Variants in ARHGEF28 observed in about 807,000 individuals in gnomAD.
The protein encoded by ARHGEF28 is 190 kDa guanine nucleotide exchange factor.
A neutral mutation model predicts 206.6 loss-of-function variants in ARHGEF28; 152 were observed. That is an observed-to-expected ratio of 0.74 (90% CI 0.64 to 0.84). The LOEUF (loss-of-function observed/expected upper bound fraction) is 0.84, where lower values mean the gene tolerates loss of function less well. Ranked by LOEUF, ARHGEF28 falls within the 40% of genes least tolerant of loss-of-function variation. ARHGEF28 has a pLI of 0.00. For missense variants in ARHGEF28, 2,028 were observed against 2,073.2 expected, an observed-to-expected ratio of 0.98 and a Z score of 0.42; for synonymous variants, 763 against 776.4, an observed-to-expected ratio of 0.98 and a Z score of 0.29.
chr5:73,929,715 G>A (rs993340774), intron 35 of ARHGEF28, among the ~76,000 whole-genome samples: 3 of 152,054 alleles, frequency 2.0e-5, no homozygotes, highest in African/African-American at 7.2e-5. Context: ...TACAGATATT[G>A]CTAAAGGCCC....
intron 2 of ARHGEF28, among the ~76,000 whole-genome samples, chr5:73,741,208 G>T (rs1230162748): frequency 1.1e-4 from 16 of 151,662 alleles, no homozygotes; most frequent in Admixed American, 3.9e-4. Context: ...GAGGAATCTG[G>T]AGTCATTTGC....
intron 9 of ARHGEF28, among the ~76,000 whole-genome samples, chr5:73,797,597 C>T (rs983143665): frequency 2.6e-5 from 4 of 152,004 alleles, no homozygotes; most frequent in Admixed American, 6.6e-5. Flanking sequence ...GTCGGGGTTT[C>T]GCCTTCAAAC....
intron 2 of ARHGEF28, among the ~76,000 whole-genome samples, chr5:73,712,546 G>A (rs1050096447): frequency 1.3e-5 from 2 of 152,196 alleles, no homozygotes; most frequent in Non-Finnish European, 2.9e-5. Context: ...CGCTAAAGCT[G>A]TGCCAGCCTT....
In ARHGEF28 at chr5:73,734,338, G is replaced by A. The variant is rs1052956604; in HGVS notation, c.34-15499G>A. 2.0e-5 allele frequency among the ~76,000 whole-genome samples: 3 copies of A among 152,174 alleles called. No homozygotes were observed. The South Asian group carries it at 6.2e-4, about 31-fold the overall frequency. On this transcript the variant is annotated intron_variant, in intron 2 of 35. Coordinates refer to ENST00000513042, the MANE Select transcript of ARHGEF28 (RefSeq NM_001177693.2). The stretch of plus-strand genomic sequence containing the variant: ...ATGCCCAGAAGAGTGGGGCCTTCCA[G>A]GATAGCTGGGGTTGGGATGAGCAGA...
At chr5:73,770,693 G>A (rs957829175) in intron 4 of ARHGEF28, among the ~76,000 whole-genome samples, 11 of 152,102 alleles carry the variant, frequency 7.2e-5, no homozygotes, top group African/African-American at 2.4e-4. Flanking sequence ...TGTTTGCCTC[G>A]CTCTGCACTC....
chr5:73,718,847 A>G (rs1045714267), intron 2 of ARHGEF28, among the ~76,000 whole-genome samples: 1 of 152,132 alleles, frequency 6.6e-6, no homozygotes, highest in African/African-American at 2.4e-5. Flanking sequence ...GGTCCCATCC[A>G]CACCGCACTA....
chr5:73,663,192 A>T (rs1011279620), intron 1 of ARHGEF28, among the ~76,000 whole-genome samples: 10 of 152,262 alleles, frequency 6.6e-5, no homozygotes, highest in African/African-American at 2.4e-4. Flanking sequence ...CTGATCTCAG[A>T]TGATCCGCCC....
intron 21 of ARHGEF28, among the ~76,000 whole-genome samples, chr5:73,870,679 C>T (rs1470220006): frequency 2.0e-5 from 3 of 152,152 alleles, no homozygotes; most frequent in African/African-American, 7.2e-5. Flanking sequence ...GTGTGAGTAG[C>T]TGCACCTGGG....
chr5:73,704,156 A>C (rs1226664883), intron 2 of ARHGEF28, among the ~76,000 whole-genome samples: 3 of 152,160 alleles, frequency 2.0e-5, no homozygotes, highest in Non-Finnish European at 4.4e-5. Flanking sequence ...GCTTCTCCCC[A>C]GATAGACTAG....
chr5:73,829,719 T>C (rs1233112492), intron 9 of ARHGEF28, among the ~76,000 whole-genome samples: 3 of 152,094 alleles, frequency 2.0e-5, no homozygotes, highest in Non-Finnish European at 4.4e-5. Flanking sequence ...TGGCTTTCTA[T>C]GTACAGTGGG....
Position 73,937,457 on chromosome 5 carries a change from G to A in ARHGEF28, c.4949-3387G>A, listed in dbSNP as rs146327579. ...TTTGCTCTAAAGGTTAATAATGCTC[G>A]CTCTGTTTAGTTTCCAGAGATAATG... On this transcript the variant is annotated intron_variant, in intron 35 of 35. Transcript: ENST00000513042. 4.4e-3 allele frequency among the ~76,000 whole-genome samples: 666 copies of A among 152,256 alleles called. 5 individuals carry two copies. The highest frequency in any genetic ancestry group is 0.015 in the African/African-American group (623 of 41,544).
At chr5:73,740,176 CAAAA>C (rs550677123) in intron 2 of ARHGEF28, among the ~76,000 whole-genome samples, 5 of 85,994 alleles carry the variant, frequency 5.8e-5, no homozygotes, top group Non-Finnish European at 9.3e-5. Flanking sequence ...GAACCTATCT[CAAAA>C]AAAAAAAAAA....
intron 1 of ARHGEF28, among the ~76,000 whole-genome samples, chr5:73,682,418 CTTT>C (rs113519554): frequency 2.1e-5 from 3 of 140,702 alleles, no homozygotes; most frequent in Non-Finnish European, 3.1e-5. Flanking sequence ...ACAATTCATT[CTTT>C]TTTTTTTTTT....
chr5:73,759,078 G>A (rs976250377), intron 4 of ARHGEF28, among the ~76,000 whole-genome samples: 2 of 152,150 alleles, frequency 1.3e-5, no homozygotes, highest in Non-Finnish European at 2.9e-5. Context: ...TTCTCATTCT[G>A]TGGGTCCATG....
chr5:73,807,313 A>T (rs1410145544), intron 9 of ARHGEF28, among the ~76,000 whole-genome samples: 1 of 151,910 alleles, frequency 6.6e-6, no homozygotes, highest in Non-Finnish European at 1.5e-5. Flanking sequence ...AACTGAGCAA[A>T]TTTTTCCTAA....
chr5:73,893,581 A>G (rs553553204), intron 28 of ARHGEF28, among the ~76,000 whole-genome samples: 37 of 152,306 alleles, frequency 2.4e-4, no homozygotes, highest in African/African-American at 8.9e-4. Flanking sequence ...TCATGGTTTA[A>G]TTTTAGGTCT....
chr5:73,786,299 C>T (rs1229447121), intron 7 of ARHGEF28: 1 of 152,162 alleles, frequency 6.6e-6, no homozygotes, highest in African/African-American at 2.4e-5. Context: ...AGTGGCAGCA[C>T]AGAAAAGTTA....
rs146559827 is a variant in ARHGEF28 at position 73,767,500 on chromosome 5, G to A, written c.476-6355G>A. Among the ~76,000 whole-genome samples, 11 of 152,236 alleles carry A rather than the reference G, an allele frequency of 7.2e-5. No individual in the cohort carries two copies. The East Asian group carries it at 2.1e-3, about 29-fold the overall frequency. ...GAACTTGTTGAGAACTGGAGCGAAG[G>A]TTACGTTTTAGCAAAGAGACTGACA... On this transcript the variant is annotated intron_variant, in intron 4 of 35. Transcript: ENST00000513042.
At chr5:73,726,162 G>C (rs757954854) in intron 2 of ARHGEF28, among the ~76,000 whole-genome samples, 18 of 152,116 alleles carry the variant, frequency 1.2e-4, no homozygotes, top group Non-Finnish European at 2.2e-4. Flanking sequence ...GCATATGTGT[G>C]CCTGTGTGTG....
Sources: gnomAD v4.1 joint callset for allele counts (sites outside exome capture counted in the v4.1 genomes callset) on GRCh38, gnomAD v4.1.1 for gene constraint, MANE v1.5 for transcripts, NCBI Gene and HGNC (gene_info 2026-07-23, HGNC 2026-07-21) for gene names.